Variants in CFAP77 observed in about 807,000 individuals in gnomAD.
The protein encoded by CFAP77 is cilia and flagella associated protein 77.
In CFAP77, 25 loss-of-function variants were observed where a neutral mutation model predicts 31.1. The observed-to-expected ratio is 0.80, with a 90% confidence interval of 0.59 to 1.12. The LOEUF (loss-of-function observed/expected upper bound fraction) is 1.12. Among genes scored for constraint, CFAP77 ranks in the 50% most tolerant of loss-of-function variants. The probability of loss-of-function intolerance (pLI) is 0.00; values close to 1 mark genes in which losing one functional copy is unlikely to be tolerated. For synonymous variants in CFAP77, 151 were observed against 159.9 expected (o/e 0.94, Z 0.42); for missense variants, 377 against 397.3 (o/e 0.95, Z 0.44).
At chr9:132,416,019 T>C (rs1029168336) in intron 1 of CFAP77, among the ~76,000 whole-genome samples, 2 of 152,240 alleles carry the variant, frequency 1.3e-5, no homozygotes, top group African/African-American at 2.4e-5. Context: ...GTTAGTTCTC[T>C]GTGTTTGTGT....
At chr9:132,531,625 T>TGGGG (rs57104311) in intron 3 of CFAP77, among the ~76,000 whole-genome samples, 111 of 66,062 alleles carry the variant, frequency 1.7e-3, no homozygotes, top group African/African-American at 4.8e-3. Context: ...GGCTAAGACA[T>TGGGG]GGGGGGGGGG....
At chr9:132,530,708 G>A (rs899786494) in intron 3 of CFAP77, among the ~76,000 whole-genome samples, 3 of 152,128 alleles carry the variant, frequency 2.0e-5, no homozygotes, top group Non-Finnish European at 4.4e-5. Context: ...TGTTCTCCCT[G>A]TCTATAGCTT....
At chr9:132,431,195 T>C (rs1431246900) in intron 1 of CFAP77, among the ~76,000 whole-genome samples, 1 of 152,188 alleles carries the variant, frequency 6.6e-6, no homozygotes, top group Non-Finnish European at 1.5e-5. Flanking sequence ...TAACAGAACT[T>C]AGACATGAAC....
At position 132,529,515 on chromosome 9, in the gene CFAP77, A is replaced by C. The variant is rs1422044658; in HGVS notation, c.525-8086A>C. ...TAAAACTTAGAGTATAATAAAAAAA[A>C]AAAACAAAAAAAAAACTAAACACAT... On this transcript the variant is annotated intron_variant, in intron 3 of 5. Coordinates refer to ENST00000393216, the MANE Select transcript of CFAP77 (RefSeq NM_001282957.2). 6.0e-5 allele frequency among the ~76,000 whole-genome samples: 7 copies of C among 117,384 alleles called. 1 individual carries two copies. Among genetic ancestry groups the C allele is most frequent in the East Asian group, 2.5e-4 (1 of 4,026 alleles). The allele number at this position is 117,384 out of a possible 152,430, so 77.0% of individuals were successfully genotyped here. A position where few individuals can be genotyped will look rare whatever the true frequency, so the allele number is the denominator to read the frequency against.
At chr9:132,518,910 C>T (rs1589901860) in intron 3 of CFAP77, among the ~76,000 whole-genome samples, 2 of 152,230 alleles carry the variant, frequency 1.3e-5, no homozygotes, top group South Asian at 2.1e-4. Flanking sequence ...CACAGGCTTA[C>T]GATTCGAATG....
Position 132,410,389 on chromosome 9 carries a change from G to A in CFAP77, c.118G>A (p.Asp40Asn), listed in dbSNP as rs758423606. The change falls in exon 1 of 6, where the codon GAC becomes AAC. Residue 40 changes from aspartate to asparagine, a missense_variant. Transcript: ENST00000393216. ...PPPRRPLTVA[D>N]IRSGMENERL... is the part of the protein sequence containing the mutation. The stretch of plus-strand genomic sequence containing the variant: ...CCCGCGGCGGCCCCTGACCGTGGCG[G>A]ACATCCGTTCCGGCATGGAGAACGA... The A allele has an allele frequency of 7.5e-6, 12 of 1,601,134 alleles. No individual in the cohort carries two copies. In the South Asian group the frequency reaches 1.0e-4, roughly 13 times the overall value.
At chr9:132,431,554 A>G (rs568729819) in intron 1 of CFAP77, among the ~76,000 whole-genome samples, 50 of 152,348 alleles carry the variant, frequency 3.3e-4, no homozygotes, top group African/African-American at 1.2e-3. Flanking sequence ...ACCCACAGGA[A>G]TCTAGAAGTG....
chr9:132,495,196 T>G lies in CFAP77; in HGVS notation c.196-3499T>G, dbSNP rs1851722870. On this transcript the variant is annotated intron_variant, in intron 1 of 5. Transcript: ENST00000393216. The surrounding 1 kb of genome is among the most constrained non-coding windows in gnomAD (Gnocchi z 4.2). ...ACCTCCCATTGGGATTTTTTTTTTT[T>G]GTAGTCTAAAGCTTCCACATGTTTC... Among the ~76,000 whole-genome samples, 1 of 151,470 alleles carries G rather than the reference T, an allele frequency of 6.6e-6. No homozygotes were observed. The highest frequency in any genetic ancestry group is 1.5e-5 in the Non-Finnish European group (1 of 67,930).
At chr9:132,459,070 C>CTTTT (rs1564211410) in intron 1 of CFAP77, among the ~76,000 whole-genome samples, 3 of 141,722 alleles carry the variant, frequency 2.1e-5, no homozygotes, top group Non-Finnish European at 1.5e-5. Context: ...AGCCCTGAAA[C>CTTTT]TATTTTTTTT....
chr9:132,545,140 AG>A lies in CFAP77; in HGVS notation c.732+2097del, dbSNP rs142052140. Among the ~76,000 whole-genome samples, 1,427 of 152,326 alleles carry A rather than the reference AG, an allele frequency of 9.4e-3. 21 individuals carry two copies. The highest frequency in any genetic ancestry group is 0.032 in the African/African-American group (1,341 of 41,568). On this transcript the variant is annotated intron_variant, in intron 5 of 5. Coordinates refer to ENST00000393216, the MANE Select transcript of CFAP77 (RefSeq NM_001282957.2). The surrounding 1 kb of genome is among the most constrained non-coding windows in gnomAD (Gnocchi z 4.6). ...TAGAATGAGTTTCCATTTTCCAAAG[AG>A]GGGATTTGACTCAGCTGACCATGGG...
intron 3 of CFAP77, among the ~76,000 whole-genome samples, chr9:132,510,543 A>G (rs895371950): frequency 7.9e-5 from 12 of 152,192 alleles, no homozygotes; most frequent in Non-Finnish European, 5.9e-5. Context: ...AGCCCAACAC[A>G]TCAGCCCACA....
At chr9:132,566,175 G>C (rs1041125478) in intron 5 of CFAP77, among the ~76,000 whole-genome samples, 9 of 152,214 alleles carry the variant, frequency 5.9e-5, no homozygotes, top group African/African-American at 1.4e-4. Flanking sequence ...GCTTGGAGAG[G>C]GGGGAGCGTG....
intron 1 of CFAP77, among the ~76,000 whole-genome samples, chr9:132,483,695 C>A (rs1351846744): frequency 6.6e-6 from 1 of 152,154 alleles, no homozygotes; most frequent in Non-Finnish European, 1.5e-5. Flanking sequence ...ATGGAAACGG[C>A]CTTCACTATC....
chr9:132,525,001 T>C (rs966586591), intron 3 of CFAP77, among the ~76,000 whole-genome samples: 34 of 144,518 alleles, frequency 2.4e-4, no homozygotes, highest in African/African-American at 8.3e-4. Flanking sequence ...TACTCTTCGA[T>C]TACCTCTTTA....
intron 1 of CFAP77, among the ~76,000 whole-genome samples, chr9:132,448,761 A>T (rs917097925): frequency 4.7e-4 from 71 of 152,044 alleles, no homozygotes; most frequent in African/African-American, 1.7e-3. Context: ...TAATTTTTGT[A>T]TTTTTAGTAG....
intron 1 of CFAP77, among the ~76,000 whole-genome samples, chr9:132,414,116 C>A (rs924559279): frequency 3.3e-5 from 5 of 152,204 alleles, no homozygotes; most frequent in African/African-American, 1.2e-4. Context: ...ATTAATTAAC[C>A]AATGACAATC....
chr9:132,546,229 G>A (rs973209719), intron 5 of CFAP77, among the ~76,000 whole-genome samples: 1 of 152,150 alleles, frequency 6.6e-6, no homozygotes, highest in African/African-American at 2.4e-5. Flanking sequence ...CCACCATCCC[G>A]GCAGCCACCA....
At chr9:132,439,653 T>C (rs888259684) in intron 1 of CFAP77, among the ~76,000 whole-genome samples, 2 of 152,020 alleles carry the variant, frequency 1.3e-5, no homozygotes, top group East Asian at 3.9e-4. Flanking sequence ...GAGACCATCC[T>C]GGCTAACATG....
chr9:132,552,062 G>A lies in CFAP77; in HGVS notation c.732+9015G>A, dbSNP rs576457310. Among the ~76,000 whole-genome samples the A allele has an allele frequency of 9.9e-5, 15 of 152,230 alleles. No homozygotes were observed. The highest frequency in any genetic ancestry group is 2.1e-4 in the Non-Finnish European group (14 of 68,038). Reference sequence around the variant, plus strand: ...CCCCAAGGCTAAAAAGGAAAGAGGCGGCTGATCCCGGATTCAGGCTTACTG... The same window carrying A: ...CCCCAAGGCTAAAAAGGAAAGAGGCAGCTGATCCCGGATTCAGGCTTACTG... On this transcript the variant is annotated intron_variant, in intron 5 of 5. Transcript: ENST00000393216. The surrounding 1 kb of genome is among the most constrained non-coding windows in gnomAD (Gnocchi z 5.5).
Sources: allele counts gnomAD v4.1 joint callset (sites outside exome capture counted in the v4.1 genomes callset), GRCh38; gene constraint gnomAD v4.1.1; non-coding constraint Gnocchi (gnomAD v3.1); transcripts MANE v1.5; gene names NCBI Gene and HGNC (gene_info 2026-07-23, HGNC 2026-07-21).